Variants in ZFP91 observed in about 807,000 individuals in gnomAD.
ZFP91 encodes the protein ZFP91 zinc finger protein, atypical E3 ubiquitin ligase.
In ZFP91, 7 loss-of-function variants were observed where a neutral mutation model predicts 63.5. The ratio of observed to expected loss-of-function variants is 0.11; its 90% CI spans 0.06 to 0.21. The LOEUF is 0.21. ZFP91 is among the 10% of genes least tolerant of loss of function. The pLI, the probability that ZFP91 is intolerant of heterozygous loss-of-function variation, is 1.00. For synonymous variants in ZFP91, 330 were observed against 272.1 expected, an observed-to-expected ratio of 1.21 and a Z score of -2.10; for missense variants, 628 against 736.6, an observed-to-expected ratio of 0.85 and a Z score of 1.71.
In ZFP91 at chr11:58,587,852, TAA is replaced by T. The variant is rs1300868301; in HGVS notation, c.370+2972_370+2973del. On this transcript the variant is annotated intron_variant, in intron 2 of 10. Coordinates refer to ENST00000316059, the MANE Select transcript of ZFP91 (RefSeq NM_053023.5). ...TAAAACTGCCTCTCAAGATAAAACA[TAA>T]AAATGGAGACCAGAATACCTTAATG... 5.3e-5 allele frequency among the ~76,000 whole-genome samples: 8 copies of T among 152,220 alleles called. No individual in the cohort carries two copies. In the South Asian group the frequency reaches 1.7e-3, roughly 32 times the overall value.
intron 8 of ZFP91, among the ~76,000 whole-genome samples, chr11:58,613,173 A>G (rs1367602066): frequency 6.6e-6 from 1 of 152,178 alleles, no homozygotes; most frequent in Non-Finnish European, 1.5e-5. Context: ...GAGACTGGGT[A>G]ATTTACAAAG....
At chr11:58,597,517 T>G (rs919763787) in intron 2 of ZFP91, among the ~76,000 whole-genome samples, 3 of 152,158 alleles carry the variant, frequency 2.0e-5, no homozygotes, top group African/African-American at 7.2e-5. Context: ...CCAAATCTCT[T>G]TCTGAAATTA....
Position 58,579,065 on chromosome 11 carries a change from G to GGCGCGC in ZFP91, c.-206_-201dup, listed in dbSNP as rs35866007. 7.9e-5 allele frequency: 27 copies of GGCGCGC among 340,492 alleles called. No homozygotes were observed. Among genetic ancestry groups the GGCGCGC allele is most frequent in the African/African-American group, 1.8e-4 (7 of 38,988 alleles). 21.1% of individuals were successfully genotyped at this position (340,492 alleles called of 1,614,324 possible). On this transcript the variant is annotated 5_prime_UTR_variant, in exon 1 of 11. Transcript: ENST00000316059. Reference sequence around the variant, plus strand: ...TCCGATTGGCCCGCTGAGCGTCTGTGGCGCGCGCGCGCGCGCCGCCAGCGG... The same window carrying GGCGCGC: ...TCCGATTGGCCCGCTGAGCGTCTGTGGCGCGCGCGCGCGCGCGCGCGCCGCCAGCGG...
In ZFP91 at chr11:58,579,088, C is replaced by T. The variant is rs1351729459; in HGVS notation, c.-194C>T. On this transcript the variant is annotated 5_prime_UTR_variant, in exon 1 of 11. Coordinates refer to ENST00000316059, the MANE Select transcript of ZFP91 (RefSeq NM_053023.5). ...GTGGCGCGCGCGCGCGCGCCGCCAG[C>T]GGTAGCGGACCTTGAGTGGCAGGGG... is the stretch of plus-strand genomic sequence containing the variant. 8.3e-6 allele frequency: 3 copies of T among 363,098 alleles called. No individual in the cohort carries two copies. The highest frequency in any genetic ancestry group is 3.2e-5 in the African/African-American group (1 of 31,094). 22.5% of individuals were successfully genotyped at this position (363,098 alleles called of 1,614,324 possible).
At chr11:58,598,989 A>G (rs1308899349) in intron 2 of ZFP91, among the ~76,000 whole-genome samples, 2 of 151,998 alleles carry the variant, frequency 1.3e-5, no homozygotes, top group Admixed American at 1.3e-4. Flanking sequence ...TGCAACAAAC[A>G]TTAATCTGCT....
intron 8 of ZFP91, among the ~76,000 whole-genome samples, chr11:58,613,838 T>G (rs899265836): frequency 8.5e-5 from 13 of 152,166 alleles, no homozygotes; most frequent in Non-Finnish European, 1.8e-4. Context: ...CACGAAGGCC[T>G]TCTTCTGGAT....
chr11:58,611,564 A>T (rs781183752), intron 5 of ZFP91, 40 bp from the exon 6 acceptor site: 39 of 1,590,836 alleles, frequency 2.5e-5, no homozygotes, highest in Non-Finnish European at 3.2e-5. Context: ...TTCCTTGAAA[A>T]GATCTTTTGT....
chr11:58,609,825 T>C lies in ZFP91; in HGVS notation c.371-5T>C, dbSNP rs776026153. 3.7e-6 allele frequency: 6 copies of C among 1,613,856 alleles called. No individual in the cohort carries two copies. Among genetic ancestry groups the C allele is most frequent in the Non-Finnish European group, 5.1e-6 (6 of 1,179,724 alleles). ...TTAAAGAGAATGGTATGTCTTTTTA[T>C]TTAGATCCCAAGGAAGAAAAAGAGG... On this transcript the variant is annotated splice_polypyrimidine_tract_variant and splice_region_variant and intron_variant, in intron 2 of 10. Coordinates refer to ENST00000316059, the MANE Select transcript of ZFP91 (RefSeq NM_053023.5).
chr11:58,586,477 C>T (rs1855211437), intron 2 of ZFP91, among the ~76,000 whole-genome samples: 1 of 152,124 alleles, frequency 6.6e-6, no homozygotes, highest in Non-Finnish European at 1.5e-5. Flanking sequence ...GGTTGTGCAG[C>T]TGTGGAGAGA....
At chr11:58,587,390 T>C (rs181997807) in intron 2 of ZFP91, among the ~76,000 whole-genome samples, 1 of 152,294 alleles carries the variant, frequency 6.6e-6, no homozygotes, top group East Asian at 1.9e-4. Context: ...AAGCTAAGTT[T>C]AGATGAAATG....
intron 2 of ZFP91, among the ~76,000 whole-genome samples, chr11:58,605,667 G>A (rs1202026386): frequency 6.6e-6 from 1 of 151,510 alleles, no homozygotes; most frequent in Admixed American, 6.6e-5. Flanking sequence ...TTGCTTATGA[G>A]TCACTTCTTG....
At chr11:58,616,280 T>G (rs201936026) in intron 9 of ZFP91, among the ~76,000 whole-genome samples, 29,126 of 151,778 alleles carry the variant, frequency 0.19, 2,881 homozygotes, top group African/African-American at 0.24. Context: ...CAAGTTCTTG[T>G]TTTTTGTTTT....
intron 2 of ZFP91, among the ~76,000 whole-genome samples, chr11:58,590,465 C>G (rs1373558458): frequency 1.3e-5 from 2 of 152,134 alleles, no homozygotes; most frequent in Non-Finnish European, 2.9e-5. Flanking sequence ...GCGCAGTGTT[C>G]CAAAATCCTG....
At position 58,586,164 on chromosome 11, in the gene ZFP91, A is replaced by T. The variant is rs1309245070; in HGVS notation, c.370+1280A>T. Among the ~76,000 whole-genome samples, 7 of 152,242 alleles carry T rather than the reference A, an allele frequency of 4.6e-5. No individual in the cohort carries two copies. The East Asian group carries it at 1.2e-3, about 25-fold the overall frequency. The stretch of plus-strand genomic sequence containing the variant: ...TATGATGTGGAGAAAATATAGAGAC[A>T]GGTAACAAGTCTAGAGCATTCTGAT... On this transcript the variant is annotated intron_variant, in intron 2 of 10. Coordinates refer to ENST00000316059, the MANE Select transcript of ZFP91 (RefSeq NM_053023.5).
intron 1 of ZFP91, among the ~76,000 whole-genome samples, chr11:58,583,961 G>T (rs999035917): frequency 5.9e-5 from 9 of 151,926 alleles, no homozygotes; most frequent in African/African-American, 1.9e-4. Context: ...ATACTCTGTG[G>T]TATCTATATG....
chr11:58,599,616 C>T (rs1388908561), intron 2 of ZFP91, among the ~76,000 whole-genome samples: 1 of 151,912 alleles, frequency 6.6e-6, no homozygotes, highest in Non-Finnish European at 1.5e-5. Flanking sequence ...TTTTCAAGTA[C>T]TTTTTTGGCC....
intron 2 of ZFP91, among the ~76,000 whole-genome samples, chr11:58,605,132 G>T (rs1259589774): frequency 6.6e-6 from 1 of 151,964 alleles, no homozygotes; most frequent in East Asian, 1.9e-4. Flanking sequence ...ATTGCATTTA[G>T]TACTTTAAAC....
At position 58,609,960 on chromosome 11, in the gene ZFP91, C is replaced by T. The variant is rs1394202178; in HGVS notation, c.501C>T (p.Asn167=). ...TTTCTCGCCATCGTGATACAGAGAA[C>T]ACCCGAAGCTCTCGGTCCAAGACCG... The part of the protein sequence containing the change: ...TSVSRHRDTE[N]TRSSRSKTGS... The change falls in exon 3 of 11, where the codon AAC becomes AAT. Residue 167 remains asparagine, a synonymous_variant. Transcript: ENST00000316059. The T allele has an allele frequency of 1.2e-6, 2 of 1,614,066 alleles. No individual in the cohort carries two copies. The highest frequency in any genetic ancestry group is 1.3e-5 in the African/African-American group (1 of 74,924).
intron 9 of ZFP91, among the ~76,000 whole-genome samples, chr11:58,615,667 A>G (rs746976731): frequency 2.0e-5 from 3 of 152,206 alleles, no homozygotes; most frequent in Non-Finnish European, 4.4e-5. Flanking sequence ...CTTGCTATAT[A>G]AAGTATGGAA....
Sources: gnomAD v4.1 joint callset for allele counts (sites outside exome capture counted in the v4.1 genomes callset) on GRCh38, gnomAD v4.1.1 for gene constraint, MANE v1.5 for transcripts, NCBI Gene and HGNC (gene_info 2026-07-23, HGNC 2026-07-21) for gene names.